TNRC6A: variants seen among roughly 807,000 people sequenced by gnomAD.
TNRC6A encodes trinucleotide repeat containing adaptor 6A.
In TNRC6A, 44 loss-of-function variants were observed where a neutral mutation model predicts 221.2. That is an observed-to-expected ratio of 0.20 (90% CI 0.16 to 0.26). The LOEUF (loss-of-function observed/expected upper bound fraction) is 0.26, where lower values mean the gene tolerates loss of function less well. Ranked by LOEUF, TNRC6A falls within the 10% of genes least tolerant of loss-of-function variation. TNRC6A has a pLI of 1.00. For missense variants in TNRC6A, 2,199 were observed against 2,404.4 expected (o/e 0.91, Z 1.79); for synonymous variants, 847 against 838.5 (o/e 1.01, Z -0.18).
rs2057722391 is a variant in TNRC6A at position 24,776,586 on chromosome 16, A to G, written c.164-347A>G. The G allele has an allele frequency of 4.1e-6, 4 of 985,348 alleles. No individual in the cohort carries two copies. In the South Asian group the frequency reaches 1.4e-4, roughly 35 times the overall value. 61.0% of individuals were successfully genotyped at this position (985,348 alleles called of 1,614,324 possible). Reference sequence around the variant, plus strand: ...TAGGACTACTGAAAATTGGTTGGCCACATTTGTTCTTTGAGTCATTGCGAG... The same window carrying G: ...TAGGACTACTGAAAATTGGTTGGCCGCATTTGTTCTTTGAGTCATTGCGAG... On this transcript the variant is annotated intron_variant, in intron 4 of 24. Transcript: ENST00000395799.
chr16:24,713,842 C>T (rs376906300), intron 2 of TNRC6A, among the ~76,000 whole-genome samples: 3 of 152,246 alleles, frequency 2.0e-5, no homozygotes, highest in South Asian at 2.1e-4. Flanking sequence ...GATGGGGTTT[C>T]GCCATGTTGG....
In TNRC6A at chr16:24,822,918, G is replaced by A. The variant is rs756809657; in HGVS notation, c.5418G>A (p.Pro1806=). 1.4e-5 allele frequency: 23 copies of A among 1,614,170 alleles called. No homozygotes were observed. Among genetic ancestry groups the A allele is most frequent in the East Asian group, 8.9e-5 (4 of 44,890 alleles). Reference sequence around the variant, plus strand: ...GCACTCTGTGCATGCAGCACGGCCCGCTGATCACATTCCACCTGAACCTCC... The same window carrying A: ...GCACTCTGTGCATGCAGCACGGCCCACTGATCACATTCCACCTGAACCTCC... ...TLRTLCMQHG[P]LITFHLNLPH... Residue 1806 remains proline (P), a synonymous_variant, in exon 24 of 25, where the codon CCG becomes CCA. Coordinates refer to ENST00000395799, the MANE Select transcript of TNRC6A (RefSeq NM_014494.4).
chr16:24,712,462 T>C (rs1051333097), intron 2 of TNRC6A, among the ~76,000 whole-genome samples: 5 of 152,370 alleles, frequency 3.3e-5, no homozygotes, highest in Admixed American at 2.0e-4. Flanking sequence ...TGTGCTGTTA[T>C]TGTCTTACAT....
chr16:24,663,274 C>G (rs1256569829), intron 2 of TNRC6A: 1 of 154,258 alleles, frequency 6.5e-6, no homozygotes, highest in Admixed American at 6.5e-5. Context: ...GCAAAGGGGC[C>G]AGGCGCGGTG....
chr16:24,714,458 AC>A (rs1555493262), intron 2 of TNRC6A, among the ~76,000 whole-genome samples: 1 of 150,686 alleles, frequency 6.6e-6, no homozygotes, highest in Non-Finnish European at 1.5e-5. Context: ...ACAGGTGCCC[AC>A]CACCAAACCC....
At chr16:24,730,130 G>A in intron 1 of TNRC6A, 123 bp from the exon 2 acceptor site, 1 of 176,890 alleles carries the variant, frequency 5.7e-6, no homozygotes, top group Non-Finnish European at 1.0e-5. Context: ...CCCTCCCCCC[G>A]TCCTCTCCCC....
intron 1 of TNRC6A, among the ~76,000 whole-genome samples, chr16:24,616,248 C>T (rs576042940): frequency 1.3e-5 from 2 of 150,996 alleles, no homozygotes; most frequent in East Asian, 3.9e-4. Flanking sequence ...ATCACTTGAA[C>T]CCGGGAGGCA....
intron 4 of TNRC6A, among the ~76,000 whole-genome samples, chr16:24,761,876 A>G (rs927406172): frequency 2.0e-5 from 3 of 151,788 alleles, no homozygotes; most frequent in East Asian, 1.9e-4. Context: ...ATTCATTTCA[A>G]AAGAATAAGT....
intron 2 of TNRC6A, among the ~76,000 whole-genome samples, chr16:24,674,081 C>CT (rs1209863450): frequency 6.6e-6 from 1 of 151,584 alleles, no homozygotes; most frequent in Non-Finnish European, 1.5e-5. Flanking sequence ...TTTTATTTTT[C>CT]TTTTTTTGAG....
At chr16:24,676,353 G>GTGGCA (rs1400260067) in intron 2 of TNRC6A, among the ~76,000 whole-genome samples, 1 of 151,816 alleles carries the variant, frequency 6.6e-6, no homozygotes, top group Non-Finnish European at 1.5e-5. Context: ...CTGGAGTGCA[G>GTGGCA]TGGCATGCTC....
chr16:24,612,478 G>A (rs1900101133), intron 1 of TNRC6A, among the ~76,000 whole-genome samples: 1 of 152,040 alleles, frequency 6.6e-6, no homozygotes, highest in African/African-American at 2.4e-5. Context: ...TGGGCGCAGT[G>A]GCTCATATCT....
chr16:24,777,782 G>A (rs1198867305), intron 5 of TNRC6A, among the ~76,000 whole-genome samples: 4 of 152,082 alleles, frequency 2.6e-5, no homozygotes, highest in African/African-American at 9.7e-5. Context: ...ACTTGCCCAG[G>A]CTCATTCAGT....
rs71156440 is a variant in TNRC6A, at chr16:24,812,019, A to ATTTTTTTT, written c.4672+2578_4672+2585dup. Among the ~76,000 whole-genome samples the ATTTTTTTT allele has an allele frequency of 1.3e-3, 54 of 40,854 alleles. 13 individuals are homozygous for ATTTTTTTT. The highest frequency in any genetic ancestry group is 2.5e-3 in the East Asian group (2 of 804). The allele number at this position is 40,854 out of a possible 152,430, so 26.8% of individuals were successfully genotyped here. A position where few individuals can be genotyped will look rare whatever the true frequency, so the allele number is the denominator to read the frequency against. On this transcript the variant is annotated intron_variant, in intron 18 of 24. Coordinates refer to ENST00000395799, the MANE Select transcript of TNRC6A (RefSeq NM_014494.4). Reference sequence around the variant, plus strand: ...CCGTTCAGGGGAATGTCACTTTGGGATTTTTTTTTTTTTTTTTTTTTTTTT... The same window carrying ATTTTTTTT: ...CCGTTCAGGGGAATGTCACTTTGGGATTTTTTTTTTTTTTTTTTTTTTTTTTTTTTTTT...
At chr16:24,650,778 T>G (rs1304672512) in intron 2 of TNRC6A, among the ~76,000 whole-genome samples, 1 of 152,218 alleles carries the variant, frequency 6.6e-6, no homozygotes, top group Non-Finnish European at 1.5e-5. Context: ...GCCTGCCATG[T>G]GCACTGGCAA....
chr16:24,718,912 C>T (rs1439481660), intron 2 of TNRC6A, among the ~76,000 whole-genome samples: 1 of 151,742 alleles, frequency 6.6e-6, no homozygotes, highest in African/African-American at 2.4e-5. Context: ...TGGTGGGTGT[C>T]TGTAATCCCA....
chr16:24,652,860 C>A (rs1902750024), intron 2 of TNRC6A, among the ~76,000 whole-genome samples: 1 of 152,150 alleles, frequency 6.6e-6, no homozygotes, highest in Non-Finnish European at 1.5e-5. Context: ...ATCGTTTAAT[C>A]CTTATCCCAA....
At chr16:24,695,905 A>C (rs1007980231) in intron 2 of TNRC6A, among the ~76,000 whole-genome samples, 3 of 151,982 alleles carry the variant, frequency 2.0e-5, no homozygotes, top group African/African-American at 4.8e-5. Context: ...TCAGTTCTAG[A>C]CTCAACCCCC....
intron 2 of TNRC6A, among the ~76,000 whole-genome samples, chr16:24,701,372 T>C (rs1488179582): frequency 6.6e-6 from 1 of 151,378 alleles, no homozygotes; most frequent in African/African-American, 2.4e-5. Flanking sequence ...TTTTTTCTTT[T>C]TTTTTTTTTT....
intron 4 of TNRC6A, among the ~76,000 whole-genome samples, chr16:24,772,746 G>C (rs1175356850): frequency 6.6e-6 from 1 of 152,194 alleles, no homozygotes; most frequent in East Asian, 1.9e-4. Flanking sequence ...TTGCACCACA[G>C]CACTCCAGCC....
Sources: gnomAD v4.1 joint callset for allele counts (sites outside exome capture counted in the v4.1 genomes callset) on GRCh38, gnomAD v4.1.1 for gene constraint, MANE v1.5 for transcripts, NCBI Gene and HGNC (gene_info 2026-07-23, HGNC 2026-07-21) for gene names.